AGBL1: variants seen among roughly 807,000 people sequenced by gnomAD.
AGBL1 encodes the protein AGBL carboxypeptidase 1.
In AGBL1, 130 loss-of-function variants were observed where a neutral mutation model predicts 118.9. That is an observed-to-expected ratio of 1.09 (90% confidence interval 0.95 to 1.26). AGBL1 has a LOEUF of 1.26. Ranked by LOEUF, AGBL1 falls within the 50% of genes most tolerant of loss-of-function variation. The pLI is 0.00. For synonymous variants in AGBL1, 555 were observed against 478.9 expected (o/e 1.16, Z -2.08); for missense variants, 1,584 against 1,298.1 (o/e 1.22, Z -3.38).
intron 22 of AGBL1, among the ~76,000 whole-genome samples, chr15:86,770,623 G>A (rs751648970): frequency 7.2e-5 from 11 of 151,944 alleles, no homozygotes; most frequent in Non-Finnish European, 1.5e-4. Context: ...CAGAGGAGAC[G>A]TACCTGAAGA....
intron 23 of AGBL1, among the ~76,000 whole-genome samples, chr15:86,927,029 C>T (rs988807961): frequency 6.6e-6 from 1 of 151,896 alleles, no homozygotes; most frequent in Admixed American, 6.6e-5. Context: ...ATCCTAGCTG[C>T]TCAGGAGGCT....
chr15:86,340,297 C>CT (rs2141880332), intron 17 of AGBL1, among the ~76,000 whole-genome samples: 1 of 151,294 alleles, frequency 6.6e-6, no homozygotes, highest in African/African-American at 2.4e-5. Context: ...CTCCACTGCC[C>CT]CCCCCCCATT....
At chr15:86,823,497 C>A (rs1006240060) in intron 22 of AGBL1, among the ~76,000 whole-genome samples, 2 of 152,148 alleles carry the variant, frequency 1.3e-5, no homozygotes, top group Non-Finnish European at 2.9e-5. Flanking sequence ...TCATTGCCTC[C>A]AGGCCAATAA....
At chr15:86,455,288 G>A (rs1021228090) in intron 18 of AGBL1, among the ~76,000 whole-genome samples, 9 of 152,232 alleles carry the variant, frequency 5.9e-5, no homozygotes, top group South Asian at 2.1e-4. Flanking sequence ...TTATAACAAC[G>A]TTACAATGAA....
chr15:86,876,547 A>T (rs1290614786), intron 22 of AGBL1, among the ~76,000 whole-genome samples: 1 of 152,174 alleles, frequency 6.6e-6, no homozygotes, highest in African/African-American at 2.4e-5. Flanking sequence ...TCAGAGGGAG[A>T]TTAGTCTGTG....
At chr15:86,494,721 A>G (rs1483719337) in intron 18 of AGBL1, among the ~76,000 whole-genome samples, 2 of 152,104 alleles carry the variant, frequency 1.3e-5, no homozygotes, top group African/African-American at 2.4e-5. Context: ...CTTGCTTGAA[A>G]AGAAGATGTC....
chr15:86,717,536 G>T (rs2086656242), intron 22 of AGBL1, among the ~76,000 whole-genome samples: 4 of 151,978 alleles, frequency 2.6e-5, no homozygotes, highest in African/African-American at 9.7e-5. Context: ...CCCTCCTTTT[G>T]AAGTTTTCAA....
At chr15:86,303,512 A>G (rs948951122) in intron 17 of AGBL1, among the ~76,000 whole-genome samples, 1 of 151,968 alleles carries the variant, frequency 6.6e-6, no homozygotes, top group Non-Finnish European at 1.5e-5. Context: ...AAAGAGTAAG[A>G]CTGTTGTCGG....
chr15:86,569,599 A>G (rs2083972416), intron 21 of AGBL1, among the ~76,000 whole-genome samples: 1 of 152,240 alleles, frequency 6.6e-6, no homozygotes, highest in Admixed American at 6.5e-5. Context: ...CACTATGAGC[A>G]GTTTATTAAC....
At chr15:86,130,323 A>G (rs916321791) in intron 1 of AGBL1, among the ~76,000 whole-genome samples, 1 of 151,858 alleles carries the variant, frequency 6.6e-6, no homozygotes, top group African/African-American at 2.4e-5. Flanking sequence ...CTTTTTTTTT[A>G]AATTTTATTA....
chr15:86,233,984 GT>G (rs1219588293), intron 6 of AGBL1, among the ~76,000 whole-genome samples: 4 of 152,104 alleles, frequency 2.6e-5, no homozygotes, highest in Admixed American at 6.5e-5. Flanking sequence ...AGTTTTTCTT[GT>G]TTGAGACAAA....
At chr15:86,094,458 C>A (rs1331255727) in intron 1 of AGBL1, among the ~76,000 whole-genome samples, 1 of 152,080 alleles carries the variant, frequency 6.6e-6, no homozygotes, top group Non-Finnish European at 1.5e-5. Flanking sequence ...CCCTGGGAAG[C>A]AGATTCTGAG....
intron 1 of AGBL1, among the ~76,000 whole-genome samples, chr15:86,140,842 A>G (rs2076953306): frequency 6.6e-6 from 1 of 152,212 alleles, no homozygotes; most frequent in Non-Finnish European, 1.5e-5. Context: ...CGTGTTGATG[A>G]AACATCTATT....
intron 22 of AGBL1, among the ~76,000 whole-genome samples, chr15:86,740,248 G>T (rs893522306): frequency 3.9e-5 from 6 of 152,214 alleles, no homozygotes; most frequent in African/African-American, 1.4e-4. Context: ...CCCATACTGG[G>T]ATTGCCCCAG....
chr15:86,249,627 C>A (rs2078777297), intron 7 of AGBL1, among the ~76,000 whole-genome samples: 2 of 152,178 alleles, frequency 1.3e-5, no homozygotes, highest in African/African-American at 4.8e-5. Context: ...CCCTCCCAGT[C>A]CTTGTGCAAT....
intron 5 of AGBL1, among the ~76,000 whole-genome samples, chr15:86,203,270 C>A (rs947824499): frequency 1.3e-5 from 2 of 152,050 alleles, no homozygotes; most frequent in African/African-American, 4.8e-5. Flanking sequence ...TTTTCAAGAG[C>A]CTGAGAGCTT....
intron 6 of AGBL1, among the ~76,000 whole-genome samples, chr15:86,229,586 C>T (rs965826659): frequency 6.6e-6 from 1 of 152,148 alleles, no homozygotes; most frequent in African/African-American, 2.4e-5. Context: ...ATCTCATCTT[C>T]TTCTACCTTC....
chr15:86,116,214 C>G lies in AGBL1; in HGVS notation c.52-25790C>G, dbSNP rs1897748703. On this transcript the variant is annotated intron_variant, in intron 1 of 22. Coordinates refer to ENST00000614907, the MANE Select transcript of AGBL1 (RefSeq NM_001386094.1). ...TTCAGCTACAGCAAAACACAACCAA[C>G]CAACCAATCGAGAACAAAAATGTAA... 2.0e-5 allele frequency among the ~76,000 whole-genome samples: 3 copies of G among 152,144 alleles called. No individual in the cohort carries two copies. The South Asian group carries it at 6.2e-4, about 32-fold the overall frequency.
chr15:86,493,125 G>C (rs921406888), intron 18 of AGBL1, among the ~76,000 whole-genome samples: 1 of 151,912 alleles, frequency 6.6e-6, no homozygotes, highest in Admixed American at 6.6e-5. Flanking sequence ...ACCTGGAAGG[G>C]GGAGGTTGCA....
Sources: allele counts gnomAD v4.1 joint callset (sites outside exome capture counted in the v4.1 genomes callset), GRCh38; gene constraint gnomAD v4.1.1; transcripts MANE v1.5; gene names NCBI Gene and HGNC (gene_info 2026-07-23, HGNC 2026-07-21).